The following CDK14 variants were observed in gnomAD, a reference collection of about 807,000 sequenced individuals.
CDK14 encodes the protein cyclin-dependent kinase 14.
CDK14 carries 34 observed loss-of-function variants against 60.7 expected under a neutral mutation model. The observed-to-expected ratio is 0.56, with a 90% confidence interval of 0.43 to 0.75. The LOEUF is 0.75. Ranked by LOEUF, CDK14 falls within the 30% of genes least tolerant of loss-of-function variation. CDK14 has a pLI of 0.00. For synonymous variants in CDK14, 197 were observed against 203.7 expected (o/e 0.97, Z 0.28); for missense variants, 482 against 564.1 (o/e 0.85, Z 1.47).
At chr7:90,634,301 G>A (rs1324825067) in intron 2 of CDK14, among the ~76,000 whole-genome samples, 3 of 101,576 alleles carry the variant, frequency 3.0e-5, no homozygotes, top group South Asian at 6.6e-4. Context: ...CCACCCCACA[G>A]CAGTCCCCAG....
chr7:90,769,512 G>C (rs960943404), intron 4 of CDK14, among the ~76,000 whole-genome samples: 1 of 150,116 alleles, frequency 6.7e-6, no homozygotes, highest in African/African-American at 2.5e-5. Flanking sequence ...TGTCACGCAG[G>C]CTGGAATACA....
At chr7:90,599,634 T>G (rs2116304918) in intron 1 of CDK14, among the ~76,000 whole-genome samples, 1 of 152,348 alleles carries the variant, frequency 6.6e-6, no homozygotes, top group East Asian at 1.9e-4. Context: ...TCATCCTCCT[T>G]TCTTCATTGG....
intron 5 of CDK14, among the ~76,000 whole-genome samples, chr7:90,812,712 G>A (rs1265707074): frequency 6.6e-6 from 1 of 152,172 alleles, no homozygotes; most frequent in Non-Finnish European, 1.5e-5. Flanking sequence ...AAAAACCACA[G>A]TGAGCTATTA....
At chr7:90,994,953 C>G (rs1220574946) in intron 10 of CDK14, among the ~76,000 whole-genome samples, 2 of 152,178 alleles carry the variant, frequency 1.3e-5, no homozygotes, top group Non-Finnish European at 2.9e-5. Context: ...CAGAATACTT[C>G]CCCACGTAAA....
chr7:91,145,358 G>A (rs922701927), intron 14 of CDK14, among the ~76,000 whole-genome samples: 7 of 152,140 alleles, frequency 4.6e-5, no homozygotes, highest in African/African-American at 1.7e-4. Context: ...AAGTTAACTG[G>A]AATTTATTGA....
intron 2 of CDK14, among the ~76,000 whole-genome samples, chr7:90,635,375 A>G (rs542297829): frequency 1.3e-5 from 2 of 152,340 alleles, no homozygotes; most frequent in African/African-American, 2.4e-5. Flanking sequence ...TCCCAACACC[A>G]TTTATTAAAT....
At chr7:91,062,539 C>T (rs1047227882) in intron 11 of CDK14, among the ~76,000 whole-genome samples, 2 of 152,062 alleles carry the variant, frequency 1.3e-5, no homozygotes, top group Non-Finnish European at 1.5e-5. Context: ...GCCATCTTGG[C>T]TCCACTCCCC....
chr7:90,774,022 G>T lies in CDK14; in HGVS notation c.465-16551G>T, dbSNP rs572587613. ...GTGTTCAAATGATTCTCCTGCCCCAGACTCCAGAGTAGCTGGAATTACAGG... is the reference window on the plus strand; with the variant it reads ...GTGTTCAAATGATTCTCCTGCCCCATACTCCAGAGTAGCTGGAATTACAGG... On this transcript the variant is annotated intron_variant, in intron 4 of 14. Transcript: ENST00000380050. Among the ~76,000 whole-genome samples the T allele has an allele frequency of 2.1e-4, 31 of 150,456 alleles. 1 individual carries two copies. In the South Asian group the frequency reaches 6.5e-3, roughly 32 times the overall value.
chr7:91,180,383 A>T (rs1363292404), intron 14 of CDK14, among the ~76,000 whole-genome samples: 1 of 152,228 alleles, frequency 6.6e-6, no homozygotes, highest in Non-Finnish European at 1.5e-5. Flanking sequence ...ATCATGCTTA[A>T]ATATGCTCTA....
chr7:90,618,253 A>G (rs1488515915), intron 2 of CDK14, among the ~76,000 whole-genome samples: 1 of 152,178 alleles, frequency 6.6e-6, no homozygotes, highest in East Asian at 1.9e-4. Context: ...TATAGGGAGA[A>G]ACATTCAATA....
chr7:90,908,491 G>T (rs1792784825), intron 7 of CDK14, among the ~76,000 whole-genome samples: 1 of 152,138 alleles, frequency 6.6e-6, no homozygotes, highest in Non-Finnish European at 1.5e-5. Context: ...TGCTTTAATT[G>T]TAAGTTACCC....
chr7:90,625,780 C>A (rs190527444), intron 2 of CDK14, among the ~76,000 whole-genome samples: 2 of 152,308 alleles, frequency 1.3e-5, no homozygotes, highest in East Asian at 1.9e-4. Flanking sequence ...ATTGTTCCCC[C>A]GGCCAGGAAT....
chr7:90,730,058 A>T (rs559302241), intron 3 of CDK14, among the ~76,000 whole-genome samples: 11 of 152,006 alleles, frequency 7.2e-5, no homozygotes, highest in Non-Finnish European at 7.4e-5. Flanking sequence ...CCCTGTGTCC[A>T]TGTGTTCTCA....
At chr7:91,121,655 A>AAG (rs1258549340) in intron 14 of CDK14, among the ~76,000 whole-genome samples, 1 of 152,224 alleles carries the variant, frequency 6.6e-6, no homozygotes, top group Non-Finnish European at 1.5e-5. Flanking sequence ...ATTAAATAAG[A>AAG]AGAAAACCAT....
chr7:90,750,076 G>A (rs967257977), intron 4 of CDK14, among the ~76,000 whole-genome samples: 1 of 149,620 alleles, frequency 6.7e-6, no homozygotes, highest in Non-Finnish European at 1.5e-5. Flanking sequence ...GGCTATAGAA[G>A]CAAAGCCAAA....
At chr7:90,742,832 C>A (rs1291370656) in intron 3 of CDK14, among the ~76,000 whole-genome samples, 3 of 151,664 alleles carry the variant, frequency 2.0e-5, no homozygotes, top group East Asian at 3.9e-4. Flanking sequence ...TTAAAAAAAA[C>A]CATTTATTGT....
At chr7:91,145,128 A>C (rs1185009000) in intron 14 of CDK14, among the ~76,000 whole-genome samples, 2 of 152,228 alleles carry the variant, frequency 1.3e-5, no homozygotes, top group Non-Finnish European at 2.9e-5. Context: ...ATTCCTAAGA[A>C]AAACACTAAC....
chr7:91,168,122 C>T lies in CDK14; in HGVS notation c.*29-39043C>T, dbSNP rs1395955398. Among the ~76,000 whole-genome samples the T allele has an allele frequency of 2.6e-5, 4 of 151,864 alleles. No individual in the cohort carries two copies. The South Asian group carries it at 6.2e-4, about 24-fold the overall frequency. ...ACTAAAAATACAAAAATTAGCTGGG[C>T]GTGGTGGCGCACGTCTGTAATCCCA... On this transcript the variant is annotated intron_variant, in intron 14 of 14. Transcript: ENST00000380050.
In CDK14 at chr7:91,023,078, T is replaced by C. The variant is rs183869463; in HGVS notation, c.1042-22819T>C. Among the ~76,000 whole-genome samples, 224 of 152,322 alleles carry C rather than the reference T, an allele frequency of 1.5e-3. 1 individual carries two copies. Among genetic ancestry groups the C allele is most frequent in the African/African-American group, 5.2e-3 (218 of 41,580 alleles). On this transcript the variant is annotated intron_variant, in intron 10 of 14. Transcript: ENST00000380050. ...GAAAGTACTAACAACTATTTTTTTG[T>C]TGGGAACATGTGAAACTTGGTGTTT...
Sources: gnomAD v4.1 joint callset for allele counts (sites outside exome capture counted in the v4.1 genomes callset) on GRCh38, gnomAD v4.1.1 for gene constraint, MANE v1.5 for transcripts, NCBI Gene and HGNC (gene_info 2026-07-23, HGNC 2026-07-21) for gene names.